Variants in TBX22 observed in about 807,000 individuals in gnomAD.
TBX22 encodes T-box transcription factor TBX22.
TBX22 carries 8 observed loss-of-function variants against 30.1 expected under a neutral mutation model. The observed-to-expected ratio is 0.27, with a 90% CI of 0.16 to 0.48. The LOEUF is 0.48. TBX22 is among the 20% of genes least tolerant of loss of function. The pLI, the probability that TBX22 is intolerant of heterozygous loss-of-function variation, is 0.99. For synonymous variants in TBX22, 173 were observed against 149.1 expected (o/e 1.16, Z -1.17); for missense variants, 463 against 400.5 (o/e 1.16, Z -1.33).
At chrX:80,019,091 T>A (rs1245003268) in intron 1 of TBX22, among the ~76,000 whole-genome samples, 2 of 112,021 alleles carry the variant, frequency 1.8e-5, no homozygotes, top group Non-Finnish European at 3.8e-5. Flanking sequence ...ATGAGTGTAT[T>A]TGTCAAGACT....
intron 7 of TBX22, 46 bp from the exon 8 acceptor site, chrX:80,027,945 C>A: frequency 1.0e-6 from 1 of 982,488 alleles, no homozygotes; most frequent in Non-Finnish European, 1.5e-6. Context: ...TCATTATTTT[C>A]AGAAATTGCA....
intron 1 of TBX22, 32 bp from the exon 2 acceptor site, chrX:80,022,235 CT>C (rs1923741498): frequency 8.3e-7 from 1 of 1,206,539 alleles, no homozygotes; most frequent in Non-Finnish European, 1.1e-6. Flanking sequence ...CAGGTTGAAA[CT>C]TTGCTGCAAA....
chrX:80,017,742 A>T (rs1347705733), intron 1 of TBX22, among the ~76,000 whole-genome samples: 4 of 111,867 alleles, frequency 3.6e-5, no homozygotes, highest in Non-Finnish European at 5.6e-5. Flanking sequence ...GGAAATTTTT[A>T]AAAATTCTAT....
intron 1 of TBX22, among the ~76,000 whole-genome samples, chrX:80,015,244 T>G (rs964587640): frequency 1.8e-5 from 2 of 112,178 alleles, no homozygotes; most frequent in Non-Finnish European, 3.8e-5. Flanking sequence ...ATACTATGCA[T>G]TAGTGCTCAC....
At chrX:80,026,057 A>T (rs757422085) in intron 5 of TBX22, among the ~76,000 whole-genome samples, 8 of 111,107 alleles carry the variant, frequency 7.2e-5, no homozygotes, top group Non-Finnish European at 1.5e-4. Flanking sequence ...AGTAGGAGGG[A>T]ACCATTCAGG....
At chrX:80,020,343 T>TAGATAGAC in intron 1 of TBX22, among the ~76,000 whole-genome samples, 1 of 104,602 alleles carries the variant, frequency 9.6e-6, no homozygotes, top group African/African-American at 4.0e-5. Flanking sequence ...GATAGACAGA[T>TAGATAGAC]AGATAGATAG....
intron 1 of TBX22, among the ~76,000 whole-genome samples, chrX:80,018,690 T>G (rs961267914): frequency 2.7e-5 from 3 of 112,354 alleles, no homozygotes; most frequent in Non-Finnish European, 5.6e-5. Context: ...CCTAAGTGGT[T>G]TGCATGTTTT....
intron 1 of TBX22, among the ~76,000 whole-genome samples, chrX:80,020,479 G>A (rs1254903919): frequency 8.9e-6 from 1 of 111,919 alleles, no homozygotes; most frequent in Admixed American, 9.5e-5. Flanking sequence ...CACGAAATTG[G>A]CCTTACCTGT....
rs769725713 is a variant in TBX22 at position 80,030,645 on chromosome X, A to G, written c.1097A>G (p.Asn366Ser). The G allele has an allele frequency of 9.1e-6, 11 of 1,209,844 alleles. No individual in the cohort carries two copies. In the South Asian group the frequency reaches 1.2e-4, roughly 14 times the overall value. The change falls in exon 9 of 9, where the codon AAT (asparagine) becomes AGT (serine). Residue 366 changes from asparagine (N) to serine (S), a missense_variant. Coordinates refer to ENST00000373296, the MANE Select transcript of TBX22 (RefSeq NM_001109878.2). ...GMPCPEAYLP[N>S]VNLPLCYKIC... ...CCCTGTCCAGAGGCATACCTGCCCAATGTCAACCTGCCTCTATGCTACAAG... is the reference window on the plus strand; with the variant it reads ...CCCTGTCCAGAGGCATACCTGCCCAGTGTCAACCTGCCTCTATGCTACAAG...
Position 80,023,077 on chromosome X carries a change from G to C in TBX22, c.193G>C (p.Glu65Gln). The C allele has an allele frequency of 8.3e-7, 1 of 1,211,743 alleles. No individual in the cohort carries two copies. ...TCCAGCAGAAAAACAACCTAAGACA[G>C]AGCCCTCAACATCTGCTTCCTCTGG... ...SEPLEKQPKT[E>Q]PSTSASSGCG... Residue 65 changes from glutamate (E) to glutamine (Q), a missense_variant, in exon 3 of 9, where the codon GAG (glutamate) becomes CAG (glutamine). Transcript: ENST00000373296.
chrX:80,025,174 C>A (rs1357396005), intron 4 of TBX22, among the ~76,000 whole-genome samples: 1 of 111,777 alleles, frequency 8.9e-6, no homozygotes, highest in Non-Finnish European at 1.9e-5. Context: ...TAAGAGTTTT[C>A]TTGATGTGAA....
chrX:80,027,770 T>G (rs913543590), intron 7 of TBX22, among the ~76,000 whole-genome samples: 1 of 112,215 alleles, frequency 8.9e-6, no homozygotes, highest in African/African-American at 3.2e-5. Flanking sequence ...CCCAGATGTT[T>G]TGTGTTGAAA....
At chrX:80,020,339 CAGAT>C (rs72003996) in intron 1 of TBX22, among the ~76,000 whole-genome samples, 2,815 of 102,530 alleles carry the variant, frequency 0.027, 83 homozygotes, top group African/African-American at 0.099. Context: ...GATAGATAGA[CAGAT>C]AGATAGATAG....
In TBX22 at chrX:80,030,995, T is replaced by C; in HGVS notation, c.1447T>C (p.Ser483Pro). 2 of 1,211,892 alleles carry C rather than the reference T, an allele frequency of 1.7e-6. No individual in the cohort carries two copies. The highest frequency in any genetic ancestry group is 2.2e-6 in the Non-Finnish European group (2 of 895,362). Residue 483 changes from serine (S) to proline (P), a missense_variant, in exon 9 of 9, where the codon TCT becomes CCT. Transcript: ENST00000373296. The stretch of plus-strand genomic sequence containing the variant: ...TTATAGATACAATTTCTCTATGCCA[T>C]CTAGACTGATAAGTGGTTCCAACCA... ...DFYRYNFSMP[S>P]RLISGSNHLK...
At chrX:80,026,551 C>T (rs771786049) in intron 5 of TBX22, among the ~76,000 whole-genome samples, 153 bp from the exon 6 acceptor site, 1 of 112,099 alleles carries the variant, frequency 8.9e-6, no homozygotes, top group Non-Finnish European at 1.9e-5. Context: ...TAGCTCGGAG[C>T]GCCTCTGTTG....
chrX:80,020,588 A>T (rs1923646023), intron 1 of TBX22, among the ~76,000 whole-genome samples: 1 of 111,625 alleles, frequency 9.0e-6, no homozygotes, highest in Non-Finnish European at 1.9e-5. Context: ...CTTCAGCAGC[A>T]TTCAAGCTGT....
rs187456640 is a variant in TBX22 at position 80,029,166 on chromosome X, T to C, written c.949+1090T>C. Among the ~76,000 whole-genome samples, 486 of 112,137 alleles carry C rather than the reference T, an allele frequency of 4.3e-3. 5 individuals carry two copies. Among genetic ancestry groups the C allele is most frequent in the African/African-American group, 0.015 (469 of 30,948 alleles). On this transcript the variant is annotated intron_variant, in intron 8 of 8. Coordinates refer to ENST00000373296, the MANE Select transcript of TBX22 (RefSeq NM_001109878.2). Reference sequence around the variant, plus strand: ...GCAAATAAATGAGCTACTAGTTTCTTAAATAACTTTTAAATGCTTTATTAT... The same window carrying C: ...GCAAATAAATGAGCTACTAGTTTCTCAAATAACTTTTAAATGCTTTATTAT...
intron 8 of TBX22, 92 bp downstream of exon 8, chrX:80,028,168 T>C: frequency 1.3e-6 from 1 of 780,033 alleles, no homozygotes; most frequent in Non-Finnish European, 1.9e-6. Flanking sequence ...CAAGGGGATA[T>C]GTACATGCAA....
At chrX:80,017,884 C>A (rs1923522683) in intron 1 of TBX22, among the ~76,000 whole-genome samples, 1 of 111,983 alleles carries the variant, frequency 8.9e-6, no homozygotes, top group African/African-American at 3.2e-5. Flanking sequence ...AAGGCCTTCA[C>A]CATTTGATAG....
Sources: allele counts gnomAD v4.1 joint callset (sites outside exome capture counted in the v4.1 genomes callset), GRCh38; gene constraint gnomAD v4.1.1; transcripts MANE v1.5; gene names NCBI Gene and HGNC (gene_info 2026-07-23, HGNC 2026-07-21).